Variants in ZNF454 observed in about 807,000 individuals in gnomAD.
ZNF454 encodes zinc finger protein 454.
In ZNF454, 30 loss-of-function variants were observed where a neutral mutation model predicts 48.2. That is an observed-to-expected ratio of 0.62 (90% CI 0.47 to 0.84). The LOEUF (loss-of-function observed/expected upper bound fraction) is 0.84, where lower values mean the gene tolerates loss of function less well. Ranked by LOEUF, ZNF454 falls within the 40% of genes least tolerant of loss-of-function variation. ZNF454 has a pLI of 0.00. For synonymous variants in ZNF454, 204 were observed against 211.4 expected (o/e 0.97, Z 0.30); for missense variants, 510 against 623.1 (o/e 0.82, Z 1.93).
intron 2 of ZNF454, 114 bp downstream of exon 2, chr5:178,942,938 T>A: frequency 8.3e-7 from 1 of 1,209,672 alleles, no homozygotes; most frequent in Non-Finnish European, 1.2e-6. Flanking sequence ...GACACTGACC[T>A]CAGTTGCCTC....
chr5:178,969,636 G>A (rs1760211565), downstream of ZNF454: 3 of 456,684 alleles, frequency 6.6e-6, no homozygotes, highest in African/African-American at 2.0e-5. Flanking sequence ...GGTACACCAC[G>A]ACCATGACCT....
chr5:178,981,606 G>A, the ZNF454 span: 2 of 1,411,906 alleles, frequency 1.4e-6, no homozygotes, highest in Non-Finnish European at 2.0e-6. The surrounding 1 kb of genome is among the most constrained non-coding windows in gnomAD (Gnocchi z 5.1). Flanking sequence ...CCACCTCGAG[G>A]CAAGAGGAAG....
downstream of ZNF454, among the ~76,000 whole-genome samples, chr5:178,970,586 C>T (rs1760221847): frequency 6.6e-6 from 1 of 151,980 alleles, no homozygotes; most frequent in Non-Finnish European, 1.5e-5. Flanking sequence ...CTCAGCCTCC[C>T]AAGTAGCTGG....
In ZNF454 at chr5:178,964,823, T is replaced by C. The variant is rs1286859075; in HGVS notation, c.419T>C (p.Val140Ala). Residue 140 changes from valine to alanine, a missense_variant, in exon 5 of 5, where the codon GTG (valine) becomes GCG (alanine). By Grantham distance (64) the Val-to-Ala change is moderately conservative (BLOSUM62 0). Transcript: ENST00000519564. ...CGGQEISLQRVVLTHPNTPSQ... is the reference protein window; with the variant it reads ...CGGQEISLQRAVLTHPNTPSQ... ...GGCCAGGAGATCAGTTTGCAGCGAG[T>C]GGTACTCACTCACCCCAACACCCCA... The C allele has an allele frequency of 1.2e-6, 2 of 1,613,950 alleles. No individual in the cohort carries two copies. Among genetic ancestry groups the C allele is most frequent in the Non-Finnish European group, 1.7e-6 (2 of 1,180,002 alleles).
At chr5:178,968,591 C>T, downstream of ZNF454, 1 of 353,950 alleles carries the variant, frequency 2.8e-6, no homozygotes, top group Non-Finnish European at 5.7e-6. Flanking sequence ...CCCATGTCCT[C>T]AGAAGTTCAT....
the ZNF454 span, chr5:178,982,861 G>A: frequency 3.0e-6 from 4 of 1,344,794 alleles, no homozygotes; most frequent in Non-Finnish European, 4.3e-6. Flanking sequence ...GAATCGACCA[G>A]CCTGACAGGC....
chr5:178,965,998 C>A lies in ZNF454; in HGVS notation c.*25C>A, dbSNP rs184419143. On this transcript the variant is annotated 3_prime_UTR_variant, in exon 5 of 5. Transcript: ENST00000519564. The surrounding 1 kb of genome is among the most constrained non-coding windows in gnomAD (Gnocchi z 5.2). ...ATATGAATGCAGTTTGTATGGAAGACCTTTGAGACTGAGTAGATGAATTAT... is the reference window on the plus strand; with the variant it reads ...ATATGAATGCAGTTTGTATGGAAGAACTTTGAGACTGAGTAGATGAATTAT... 6 of 1,487,492 alleles carry A rather than the reference C, an allele frequency of 4.0e-6. No homozygotes were observed. The highest frequency in any genetic ancestry group is 1.8e-4 in the Middle Eastern group (1 of 5,606). 92.1% of individuals were successfully genotyped at this position (1,487,492 alleles called of 1,614,324 possible). A position where few individuals can be genotyped will look rare whatever the true frequency, so the allele number is the denominator to read the frequency against.
chr5:178,989,200 TCC>T, the ZNF454 span: 1 of 1,333,678 alleles, frequency 7.5e-7, no homozygotes, highest in Non-Finnish European at 1.0e-6. Context: ...CCTCCCGCCT[TCC>T]CCCTCCCCAC....
At chr5:178,975,582 A>C in the ZNF454 span, 33 of 293,988 alleles carry the variant, frequency 1.1e-4, no homozygotes, top group African/African-American at 6.6e-4. Context: ...TCATCAGACC[A>C]TCTAACTGTT....
chr5:178,964,951 T>G lies in ZNF454; in HGVS notation c.547T>G (p.Cys183Gly). Residue 183 changes from cysteine (C) to glycine (G), a missense_variant, in exon 5 of 5, where the codon TGT (cysteine) becomes GGT (glycine). Cys to Gly is a radical substitution (Grantham distance 159, BLOSUM62 -3). This residue lies in a region of ZNF454 where 354 missense variants were observed against 408.9 expected (regional missense o/e 0.87). Transcript: ENST00000519564. ...PSKNAFECSE[C>G]GKVFSKSSTL... ...CAAAAATGCCTTTGAGTGTAGTGAG[T>G]GTGGAAAAGTCTTCTCTAAGAGTTC... The G allele has an allele frequency of 6.2e-7, 1 of 1,614,174 alleles. No homozygotes were observed. Among genetic ancestry groups the G allele is most frequent in the Non-Finnish European group, 8.5e-7 (1 of 1,180,038 alleles).
chr5:178,960,398 C>T (rs759411651), intron 4 of ZNF454, among the ~76,000 whole-genome samples: 7 of 151,736 alleles, frequency 4.6e-5, no homozygotes, highest in Non-Finnish European at 8.8e-5. Flanking sequence ...GTTGGGATTA[C>T]AGGCATGTGC....
the ZNF454 span, among the ~76,000 whole-genome samples, chr5:178,973,109 T>C: frequency 1.3e-5 from 2 of 149,948 alleles, no homozygotes; most frequent in Non-Finnish European, 3.0e-5. Flanking sequence ...CTTCCTTCCT[T>C]TTGCTGTCTC....
At chr5:178,986,432 C>G in the ZNF454 span, 17 of 1,613,414 alleles carry the variant, frequency 1.1e-5, no homozygotes, top group South Asian at 1.8e-4. Flanking sequence ...TTGTACCGCA[C>G]GAAGGTGGCC....
chr5:178,941,302 C>T lies in ZNF454; in HGVS notation c.-250C>T, dbSNP rs542812916. ...CCTCGAAGAGCGACACGGGGCTGACCAGGCACGGTGGTCAAAGCCGCAGAG... is the reference window on the plus strand; with the variant it reads ...CCTCGAAGAGCGACACGGGGCTGACTAGGCACGGTGGTCAAAGCCGCAGAG... On this transcript the variant is annotated 5_prime_UTR_variant, in exon 1 of 5. Transcript: ENST00000519564. This position sits in a 1 kb window ranked among gnomAD's most constrained non-coding sequence, Gnocchi z 5.5. The T allele has an allele frequency of 4.5e-6, 2 of 442,600 alleles. No homozygotes were observed. Among genetic ancestry groups the T allele is most frequent in the East Asian group, 1.4e-4 (2 of 14,254 alleles). The allele number at this position is 442,600 out of a possible 1,614,324, so 27.4% of individuals were successfully genotyped here.
the ZNF454 span, chr5:178,987,441 G>A: frequency 3.0e-3 from 1,380 of 457,738 alleles, 20 homozygotes; most frequent in African/African-American, 0.025. Flanking sequence ...GGACGAACAC[G>A]ACGGGGCCAT....
the ZNF454 span, chr5:178,976,038 A>C: frequency 2.4e-6 from 1 of 425,182 alleles, no homozygotes; most frequent in Non-Finnish European, 4.8e-6. Flanking sequence ...CTACTCCTCC[A>C]TGCCACTCTC....
Position 178,942,730 on chromosome 5 carries a change from G to T in ZNF454, c.-62G>T. 1 of 1,602,020 alleles carries T rather than the reference G, an allele frequency of 6.2e-7. No homozygotes were observed. The highest frequency in any genetic ancestry group is 8.5e-7 in the Non-Finnish European group (1 of 1,169,590). On this transcript the variant is annotated 5_prime_UTR_variant, in exon 2 of 5. Transcript: ENST00000519564. ...GCCTGAGGAGTCCTGCAGGTGTGAA[G>T]CTCCACACCTGCCTCCATAGCACTT...
chr5:178,953,915 C>G (rs746866470), intron 4 of ZNF454, among the ~76,000 whole-genome samples: 10 of 152,178 alleles, frequency 6.6e-5, no homozygotes, highest in Non-Finnish European at 1.2e-4. Flanking sequence ...TTTTTATCCA[C>G]TGAGCATTGG....
At chr5:178,952,131 G>A (rs539734435) in intron 4 of ZNF454, among the ~76,000 whole-genome samples, 1 of 149,884 alleles carries the variant, frequency 6.7e-6, no homozygotes, top group Non-Finnish European at 1.5e-5. Flanking sequence ...TCCTCCTCCC[G>A]GGTTCACGCC....
Sources: gnomAD v4.1 joint callset for allele counts (sites outside exome capture counted in the v4.1 genomes callset) on GRCh38, gnomAD v4.1.1 for gene constraint, gnomAD v4.1.1 regional missense constraint, Gnocchi (gnomAD v3.1) non-coding constraint, MANE v1.5 for transcripts, NCBI Gene and HGNC (gene_info 2026-07-23, HGNC 2026-07-21) for gene names.